Variants in SUGCT observed in about 807,000 individuals in gnomAD.
SUGCT encodes the protein succinyl-CoA:glutarate CoA-transferase.
SUGCT carries 41 observed loss-of-function variants against 55.0 expected under a neutral mutation model. The ratio of observed to expected loss-of-function variants is 0.74; its 90% confidence interval spans 0.58 to 0.97. SUGCT has a LOEUF of 0.97. Among genes scored for constraint, SUGCT ranks in the 50% least tolerant of loss-of-function variants. The probability of loss-of-function intolerance (pLI) is 0.00; values close to 1 mark genes in which losing one functional copy is unlikely to be tolerated. For missense variants in SUGCT, 568 were observed against 547.8 expected, an observed-to-expected ratio of 1.04 and a Z score of -0.37; for synonymous variants, 187 against 200.4, an observed-to-expected ratio of 0.93 and a Z score of 0.56.
At chr7:40,228,949 G>A (rs1191027461) in intron 6 of SUGCT, among the ~76,000 whole-genome samples, 1 of 152,018 alleles carries the variant, frequency 6.6e-6, no homozygotes, top group Non-Finnish European at 1.5e-5. Flanking sequence ...ACATTCTCAG[G>A]CCAGTAAAGG....
At chr7:40,244,053 A>T (rs1489565024) in intron 7 of SUGCT, among the ~76,000 whole-genome samples, 2 of 152,094 alleles carry the variant, frequency 1.3e-5, no homozygotes, top group African/African-American at 4.8e-5. Context: ...GGTGCCTGTA[A>T]TCCCAGGTAC....
At chr7:40,191,999 T>C (rs545954971) in intron 5 of SUGCT, among the ~76,000 whole-genome samples, 1 of 151,114 alleles carries the variant, frequency 6.6e-6, no homozygotes, top group Non-Finnish European at 1.5e-5. Context: ...TCCCAGCTAC[T>C]TGGGAGGCTG....
At chr7:40,761,226 C>T (rs1013625068) in intron 13 of SUGCT, among the ~76,000 whole-genome samples, 7 of 152,160 alleles carry the variant, frequency 4.6e-5, no homozygotes, top group South Asian at 2.1e-4. Context: ...GCCAGATGGA[C>T]GTGAGGCTAA....
intron 1 of SUGCT, among the ~76,000 whole-genome samples, chr7:40,173,878 T>A (rs1217513429): frequency 6.7e-6 from 1 of 149,078 alleles, no homozygotes; most frequent in Non-Finnish European, 1.5e-5. Flanking sequence ...TATATAGTTA[T>A]TTGTATAACA....
chr7:40,343,788 C>T (rs1417946476), intron 9 of SUGCT, among the ~76,000 whole-genome samples: 1 of 152,146 alleles, frequency 6.6e-6, no homozygotes, highest in Non-Finnish European at 1.5e-5. Flanking sequence ...TCCTGAGTAG[C>T]TGGGACTACA....
rs538515088 is a variant in SUGCT at position 40,276,116 on chromosome 7, G to A, written c.720+1460G>A. 2.8e-4 allele frequency among the ~76,000 whole-genome samples: 42 copies of A among 152,224 alleles called. No individual in the cohort carries two copies. In the South Asian group the frequency reaches 6.2e-3, roughly 23 times the overall value. On this transcript the variant is annotated intron_variant, in intron 8 of 13. Coordinates refer to ENST00000335693, the MANE Select transcript of SUGCT (RefSeq NM_001193313.2). The stretch of plus-strand genomic sequence containing the variant: ...ATATAGAAATAAAAAACATCAATAT[G>A]GTTGAAAATGAAATACTATGTATGG...
chr7:40,809,371 T>C (rs1352495057), intron 13 of SUGCT, among the ~76,000 whole-genome samples: 1 of 152,164 alleles, frequency 6.6e-6, no homozygotes. Context: ...TGTGGGCAAA[T>C]CAAAATGGGC....
At chr7:40,141,775 C>A in intron 1 of SUGCT, 2 of 325,654 alleles carry the variant, frequency 6.1e-6, no homozygotes, top group Non-Finnish European at 1.3e-5. Flanking sequence ...AGGTTTGGTG[C>A]CACAAAAGAA....
intron 12 of SUGCT, among the ~76,000 whole-genome samples, chr7:40,597,596 G>A (rs1298151435): frequency 6.6e-6 from 1 of 152,158 alleles, no homozygotes; most frequent in African/African-American, 2.4e-5. Flanking sequence ...ATCTGGCCAT[G>A]GTGCCACAAA....
intron 12 of SUGCT, among the ~76,000 whole-genome samples, chr7:40,561,903 G>T (rs1158267496): frequency 6.6e-6 from 1 of 150,614 alleles, no homozygotes; most frequent in Non-Finnish European, 1.5e-5. Flanking sequence ...TGTTGGTCAG[G>T]CTGGTCTTGA....
chr7:40,178,254 A>G lies in SUGCT; in HGVS notation c.101-2693A>G, dbSNP rs568152140. Reference sequence around the variant, plus strand: ...ATTCTGGATTTTTCTGCCTGCTTCCATATGGTGTCCTTGAACATAGTCCTC... The same window carrying G: ...ATTCTGGATTTTTCTGCCTGCTTCCGTATGGTGTCCTTGAACATAGTCCTC... On this transcript the variant is annotated intron_variant, in intron 1 of 13. Coordinates refer to ENST00000335693, the MANE Select transcript of SUGCT (RefSeq NM_001193313.2). 1.5e-4 allele frequency among the ~76,000 whole-genome samples: 23 copies of G among 152,318 alleles called. No individual in the cohort carries two copies. In the South Asian group the frequency reaches 4.3e-3, roughly 29 times the overall value.
chr7:40,574,942 CT>C (rs1392515153), intron 12 of SUGCT, among the ~76,000 whole-genome samples: 2 of 152,186 alleles, frequency 1.3e-5, no homozygotes, highest in African/African-American at 4.8e-5. Context: ...CACATCTTTT[CT>C]AAAGTCTGCT....
At chr7:40,728,756 T>C (rs1277812351) in intron 12 of SUGCT, among the ~76,000 whole-genome samples, 1 of 152,238 alleles carries the variant, frequency 6.6e-6, no homozygotes, top group Non-Finnish European at 1.5e-5. Context: ...GGAATATAGC[T>C]GTCTCACTGC....
intron 1 of SUGCT, among the ~76,000 whole-genome samples, chr7:40,138,024 G>A (rs527502553): frequency 1.3e-5 from 2 of 152,262 alleles, no homozygotes; most frequent in Admixed American, 1.3e-4. Flanking sequence ...GGGGGTACAA[G>A]TGCAGTTTTG....
intron 12 of SUGCT, among the ~76,000 whole-genome samples, chr7:40,560,643 A>G (rs895871763): frequency 6.6e-6 from 1 of 152,136 alleles, no homozygotes; most frequent in Admixed American, 6.5e-5. Flanking sequence ...TTTCCACCCA[A>G]CCCTCCAAAT....
intron 13 of SUGCT, among the ~76,000 whole-genome samples, chr7:40,793,729 T>C (rs1470633962): frequency 6.6e-6 from 1 of 152,128 alleles, no homozygotes; most frequent in Non-Finnish European, 1.5e-5. Context: ...ATTCTTCAAA[T>C]GTTGATAGTC....
chr7:40,648,911 C>T (rs940638521), intron 12 of SUGCT, among the ~76,000 whole-genome samples: 1 of 152,034 alleles, frequency 6.6e-6, no homozygotes, highest in Non-Finnish European at 1.5e-5. Flanking sequence ...TGTTTTAAGC[C>T]GCCTAGTTTG....
At chr7:40,532,116 G>T (rs1414905445) in intron 12 of SUGCT, among the ~76,000 whole-genome samples, 1 of 152,154 alleles carries the variant, frequency 6.6e-6, no homozygotes, top group Non-Finnish European at 1.5e-5. Flanking sequence ...CTGCAAGGTT[G>T]GTCTCATACA....
At chr7:40,865,457 C>G (rs1794562504), downstream of SUGCT, among the ~76,000 whole-genome samples, 1 of 152,176 alleles carries the variant, frequency 6.6e-6, no homozygotes, top group Non-Finnish European at 1.5e-5. Context: ...AAATGCTACT[C>G]TGGGCTGTGG....
Sources: allele counts gnomAD v4.1 joint callset (sites outside exome capture counted in the v4.1 genomes callset), GRCh38; gene constraint gnomAD v4.1.1; transcripts MANE v1.5; gene names NCBI Gene and HGNC (gene_info 2026-07-23, HGNC 2026-07-21).